Variants in FRMD3 observed in about 807,000 individuals in gnomAD.
FRMD3 encodes FERM domain-containing protein 3.
A neutral mutation model predicts 70.2 loss-of-function variants in FRMD3; 33 were observed. The ratio of observed to expected loss-of-function variants is 0.47; its 90% CI spans 0.36 to 0.63. FRMD3 has a LOEUF of 0.63. Ranked by LOEUF, FRMD3 falls within the 20% of genes least tolerant of loss-of-function variation. The pLI is 0.00. For missense variants in FRMD3, 632 were observed against 711.4 expected (o/e 0.89, Z 1.27); for synonymous variants, 279 against 255.9 (o/e 1.09, Z -0.86).
At chr9:83,249,169 T>G (rs184223615) in intron 13 of FRMD3, among the ~76,000 whole-genome samples, 1 of 151,044 alleles carries the variant, frequency 6.6e-6, no homozygotes, top group Non-Finnish European at 1.5e-5. Flanking sequence ...TTAGATTGCT[T>G]TGCAGTTGTA....
intron 13 of FRMD3, among the ~76,000 whole-genome samples, chr9:83,278,243 A>T (rs1251056943): frequency 6.6e-6 from 1 of 152,182 alleles, no homozygotes; most frequent in South Asian, 2.1e-4. Flanking sequence ...GAGAACGGGA[A>T]ACAGTCTGAG....
In FRMD3 at chr9:83,395,510, G is replaced by T. The variant is rs554131336; in HGVS notation, c.148-5802C>A. Among the ~76,000 whole-genome samples, 37 of 151,976 alleles carry T rather than the reference G, an allele frequency of 2.4e-4. 1 individual carries two copies. The highest frequency in any genetic ancestry group is 8.3e-4 in the South Asian group (4 of 4,812). ...CTCTCCACCCCCAACAAGTTTCCATGTCTGTTGTTCCCCTCTTTGTGTCCA... is the reference window on the plus strand; with the variant it reads ...CTCTCCACCCCCAACAAGTTTCCATTTCTGTTGTTCCCCTCTTTGTGTCCA... On this transcript the variant is annotated intron_variant, in intron 1 of 13. Coordinates refer to ENST00000304195, the MANE Select transcript of FRMD3 (RefSeq NM_174938.6).
At chr9:83,416,745 G>GTCTCTCTGTC (rs1554702036) in intron 1 of FRMD3, among the ~76,000 whole-genome samples, 6 of 102,288 alleles carry the variant, frequency 5.9e-5, no homozygotes, top group South Asian at 3.4e-4. Context: ...ATTTCTCTCT[G>GTCTCTCTGTC]TCTCTCTCTC....
chr9:83,368,394 C>T (rs901956329), intron 3 of FRMD3, among the ~76,000 whole-genome samples: 5 of 152,076 alleles, frequency 3.3e-5, no homozygotes, highest in African/African-American at 7.2e-5. Flanking sequence ...TGCAGTGGCA[C>T]GATCTCGGCT....
In FRMD3 at chr9:83,507,732, A is replaced by ATCTATC. The variant is rs1158473884; in HGVS notation, c.147+30352_147+30353insGATAGA. On this transcript the variant is annotated intron_variant, in intron 1 of 13. Transcript: ENST00000304195. ...TATATATATATATATATATATATATATATATATCTTCTGGAATATTTCCTG... is the reference window on the plus strand; with the variant it reads ...TATATATATATATATATATATATATATCTATCTATATATCTTCTGGAATATTTCCTG... Among the ~76,000 whole-genome samples, 680 of 92,930 alleles carry ATCTATC rather than the reference A, an allele frequency of 7.3e-3. 35 individuals carry two copies. Among genetic ancestry groups the ATCTATC allele is most frequent in the Admixed American group, 0.022 (172 of 7,836 alleles). 61.0% of individuals were successfully genotyped at this position (92,930 alleles called of 152,430 possible). A position where few individuals can be genotyped will look rare whatever the true frequency, so the allele number is the denominator to read the frequency against.
chr9:83,503,445 C>G (rs1293700531), intron 1 of FRMD3, among the ~76,000 whole-genome samples: 1 of 152,182 alleles, frequency 6.6e-6, no homozygotes, highest in Non-Finnish European at 1.5e-5. Flanking sequence ...ATCAGTTCTA[C>G]AACTGCAAAG....
intron 1 of FRMD3, among the ~76,000 whole-genome samples, chr9:83,477,975 A>T (rs889802293): frequency 2.0e-5 from 3 of 152,158 alleles, no homozygotes; most frequent in African/African-American, 7.2e-5. Context: ...TCATCCTAAA[A>T]TACAAAACAT....
intron 1 of FRMD3, among the ~76,000 whole-genome samples, chr9:83,400,677 TA>T (rs1182530268): frequency 1.3e-5 from 2 of 152,090 alleles, no homozygotes; most frequent in African/African-American, 4.8e-5. Flanking sequence ...ATTAGCAAAA[TA>T]ATAGGCAAAT....
intron 1 of FRMD3, among the ~76,000 whole-genome samples, chr9:83,403,625 C>A (rs145668059): frequency 9.8e-4 from 149 of 152,168 alleles, no homozygotes; most frequent in African/African-American, 3.4e-3. Flanking sequence ...AGCCACACCA[C>A]AGGAAATTAC....
At chr9:83,434,123 G>T (rs552219696) in intron 1 of FRMD3, among the ~76,000 whole-genome samples, 1 of 152,170 alleles carries the variant, frequency 6.6e-6, no homozygotes, top group African/African-American at 2.4e-5. Flanking sequence ...AAGCTCACAG[G>T]CTTGGCAGTT....
At chr9:83,265,386 C>T (rs1465028785) in intron 13 of FRMD3, among the ~76,000 whole-genome samples, 3 of 111,688 alleles carry the variant, frequency 2.7e-5, no homozygotes, top group African/African-American at 1.1e-4. Context: ...GGCAACAGAG[C>T]GAGACTCTTA....
intron 1 of FRMD3, among the ~76,000 whole-genome samples, chr9:83,414,017 C>T (rs997239637): frequency 7.2e-5 from 11 of 152,106 alleles, no homozygotes; most frequent in African/African-American, 2.7e-4. Flanking sequence ...CTTCAGCTTC[C>T]AGAAAGCTTA....
At chr9:83,314,580 C>T (rs768454307) in intron 6 of FRMD3, among the ~76,000 whole-genome samples, 4 of 152,042 alleles carry the variant, frequency 2.6e-5, no homozygotes, top group Non-Finnish European at 1.5e-5. Context: ...TCCCCCCACC[C>T]CCTCAAGATA....
chr9:83,520,599 T>A (rs902891953), intron 1 of FRMD3, among the ~76,000 whole-genome samples: 5 of 152,230 alleles, frequency 3.3e-5, no homozygotes, highest in African/African-American at 1.2e-4. Flanking sequence ...ACCAGTCACA[T>A]TGCAAGGGCT....
intron 1 of FRMD3, among the ~76,000 whole-genome samples, chr9:83,442,460 G>A (rs541688873): frequency 2.6e-5 from 4 of 152,020 alleles, no homozygotes; most frequent in Admixed American, 1.3e-4. Context: ...GTTTCACCAT[G>A]TTGGCCAGGC....
intron 9 of FRMD3, 102 bp from the exon 10 acceptor site, chr9:83,309,726 C>T (rs1469027247): frequency 4.7e-6 from 3 of 640,444 alleles, no homozygotes; most frequent in African/African-American, 3.7e-5. Flanking sequence ...ATCCTATCTC[C>T]TATTACACAG....
intron 3 of FRMD3, among the ~76,000 whole-genome samples, chr9:83,353,169 A>C (rs923416923): frequency 2.7e-5 from 4 of 150,620 alleles, no homozygotes; most frequent in African/African-American, 4.9e-5. Flanking sequence ...TGTCCCTGTA[A>C]GTTGGAAGAA....
intron 12 of FRMD3, among the ~76,000 whole-genome samples, chr9:83,292,797 G>C (rs1834492957): frequency 6.6e-6 from 1 of 152,142 alleles, no homozygotes; most frequent in African/African-American, 2.4e-5. Flanking sequence ...ACAGGCATCT[G>C]CCACCATGCC....
chr9:83,453,001 T>A (rs1049896843), intron 1 of FRMD3, among the ~76,000 whole-genome samples: 8 of 151,962 alleles, frequency 5.3e-5, no homozygotes, highest in Non-Finnish European at 1.2e-4. Flanking sequence ...ATTACAGTCA[T>A]GCACCACCAC....
Sources: gnomAD v4.1 joint callset for allele counts (sites outside exome capture counted in the v4.1 genomes callset) on GRCh38, gnomAD v4.1.1 for gene constraint, MANE v1.5 for transcripts, NCBI Gene and HGNC (gene_info 2026-07-23, HGNC 2026-07-21) for gene names.